The following ZNF563 variants were observed in gnomAD, a reference collection of about 807,000 sequenced individuals.
ZNF563 encodes zinc finger protein 563.
In ZNF563, 39 loss-of-function variants were observed where a neutral mutation model predicts 48.5. The observed-to-expected ratio is 0.80, with a 90% CI of 0.62 to 1.05. The LOEUF (loss-of-function observed/expected upper bound fraction) is 1.05, where lower values mean the gene tolerates loss of function less well. Among genes scored for constraint, ZNF563 ranks in the 50% least tolerant of loss-of-function variants. The pLI, the probability that ZNF563 is intolerant of heterozygous loss-of-function variation, is 0.00. For synonymous variants in ZNF563, 168 were observed against 187.9 expected (o/e 0.89, Z 0.87); for missense variants, 538 against 597.0 (o/e 0.90, Z 1.03).
At chr19:12,342,418 T>A in the ZNF563 span, among the ~76,000 whole-genome samples, 1 of 151,266 alleles carries the variant, frequency 6.6e-6, no homozygotes, top group Non-Finnish European at 1.5e-5. Flanking sequence ...AACCAATGGG[T>A]CAAATGAGAA....
chr19:12,340,217 C>T, the ZNF563 span, among the ~76,000 whole-genome samples: 1 of 152,118 alleles, frequency 6.6e-6, no homozygotes, highest in Admixed American at 6.5e-5. Flanking sequence ...GCCTGTAATC[C>T]TAGCTACTCC....
At chr19:12,340,798 G>A in the ZNF563 span, among the ~76,000 whole-genome samples, 4 of 151,682 alleles carry the variant, frequency 2.6e-5, no homozygotes, top group African/African-American at 7.3e-5. Context: ...AGTCAACTAC[G>A]AATCTAATAT....
rs761559526 is a variant in ZNF563 at position 12,319,148 on chromosome 19, A to G, written c.877T>C (p.Ser293Pro). The G allele has an allele frequency of 5.0e-6, 8 of 1,613,452 alleles. No homozygotes were observed. The highest frequency in any genetic ancestry group is 5.1e-6 in the Non-Finnish European group (6 of 1,179,860). ...GTTTCATGTCTTCGAAGGGAACTGG[A>G]AACACTGAAGGCTTTCCCACACTGT... is the stretch of plus-strand genomic sequence containing the variant. ...CKQCGKAFSV[S>P]SSLRRHETTH... The change falls in exon 4 of 4, where the codon TCC (serine) becomes CCC (proline). Residue 293 changes from serine to proline, a missense_variant. Transcript: ENST00000293725.
At chr19:12,322,858 C>T in intron 1 of ZNF563, 147 bp from the exon 2 acceptor site, 1 of 860,282 alleles carries the variant, frequency 1.2e-6, no homozygotes, top group Non-Finnish European at 1.6e-6. Flanking sequence ...TTTACACTCA[C>T]TTTCTCTCAC....
chr19:12,340,861 A>G, the ZNF563 span, among the ~76,000 whole-genome samples: 1 of 152,150 alleles, frequency 6.6e-6, no homozygotes, highest in Non-Finnish European at 1.5e-5. Context: ...TGCCCACATG[A>G]AAAAACTGAG....
intron 1 of ZNF563, among the ~76,000 whole-genome samples, chr19:12,333,058 T>G (rs1054428088): frequency 2.0e-5 from 3 of 152,116 alleles, no homozygotes; most frequent in Non-Finnish European, 4.4e-5. Context: ...TTCCCAAACC[T>G]TTGAAGACTC....
intron 1 of ZNF563, among the ~76,000 whole-genome samples, chr19:12,326,059 A>G (rs957513238): frequency 1.3e-5 from 2 of 152,226 alleles, no homozygotes; most frequent in Non-Finnish European, 2.9e-5. Flanking sequence ...AAATAGAGAG[A>G]AACATGAAAA....
At chr19:12,322,433 G>T (rs1968654855) in intron 2 of ZNF563, 152 bp downstream of exon 2, 1 of 750,484 alleles carries the variant, frequency 1.3e-6, no homozygotes, top group Non-Finnish European at 1.9e-6. Context: ...AGATGAGGAT[G>T]TACAACTTCT....
upstream of ZNF563, chr19:12,333,730 C>T: frequency 3.7e-6 from 2 of 547,004 alleles, no homozygotes; most frequent in Admixed American, 6.7e-5. Context: ...GTTCTCACGA[C>T]CCCGCCCCAT....
At chr19:12,323,146 G>C (rs1426673654) in intron 1 of ZNF563, among the ~76,000 whole-genome samples, 1 of 152,196 alleles carries the variant, frequency 6.6e-6, no homozygotes, top group African/African-American at 2.4e-5. Context: ...GATTTAGGGA[G>C]TGCCCCACCA....
At chr19:12,321,071 T>A (rs1390675508) in intron 3 of ZNF563, among the ~76,000 whole-genome samples, 1 of 151,438 alleles carries the variant, frequency 6.6e-6, no homozygotes, top group Admixed American at 6.6e-5. Flanking sequence ...ACCTGGGAGG[T>A]CGAGTCTTCA....
chr19:12,321,146 A>G, intron 3 of ZNF563, 126 bp downstream of exon 3: 1 of 679,388 alleles, frequency 1.5e-6, no homozygotes. Flanking sequence ...ACTAAAAAAA[A>G]AAGTTAATTT....
At chr19:12,340,248 C>A in the ZNF563 span, among the ~76,000 whole-genome samples, 1 of 152,172 alleles carries the variant, frequency 6.6e-6, no homozygotes, top group African/African-American at 2.4e-5. Flanking sequence ...GCAGAAGGAT[C>A]ACTTGAACCC....
chr19:12,320,183 C>T (rs1394948512), intron 3 of ZNF563, among the ~76,000 whole-genome samples: 3 of 152,288 alleles, frequency 2.0e-5, no homozygotes, highest in Middle Eastern at 3.4e-3. Context: ...TCCCAAAGTG[C>T]TGGGATTACA....
At position 12,319,262 on chromosome 19, in the gene ZNF563, A is replaced by G. The variant is rs1341551980; in HGVS notation, c.763T>C (p.Cys255Arg). 1.2e-6 allele frequency: 2 copies of G among 1,614,068 alleles called. No homozygotes were observed. Among genetic ancestry groups the G allele is most frequent in the African/African-American group, 1.3e-5 (1 of 75,046 alleles). Residue 255 changes from cysteine (C) to arginine (R), a missense_variant, in exon 4 of 4, where the codon TGT becomes CGT. Coordinates refer to ENST00000293725, the MANE Select transcript of ZNF563 (RefSeq NM_145276.3). ...RMHTGEKPYE[C>R]KQCSKALPDS... ...GGCAAGGCTTTAGAACACTGCTTAC[A>G]TTCATACGGTTTCTCCCCAGTGTGC...
At chr19:12,330,083 G>A (rs1479837896) in intron 1 of ZNF563, among the ~76,000 whole-genome samples, 1 of 152,094 alleles carries the variant, frequency 6.6e-6, no homozygotes, top group African/African-American at 2.4e-5. Context: ...ACTAAGCCCA[G>A]CCAATTTTTG....
chr19:12,338,894 G>A, the ZNF563 span, among the ~76,000 whole-genome samples: 2 of 151,946 alleles, frequency 1.3e-5, no homozygotes, highest in Non-Finnish European at 2.9e-5. Context: ...ACACACTACA[G>A]TCTATTGAAG....
chr19:12,322,503 T>C, intron 2 of ZNF563, 82 bp downstream of exon 2: 1 of 1,420,880 alleles, frequency 7.0e-7, no homozygotes, highest in Non-Finnish European at 9.4e-7. Flanking sequence ...GCCCTTTCCA[T>C]ATTTCAAATC....
At chr19:12,336,742 C>A (rs144231400), upstream of ZNF563, among the ~76,000 whole-genome samples, 1 of 152,198 alleles carries the variant, frequency 6.6e-6, no homozygotes. Context: ...TTCAGTCACT[C>A]CCTGACCTTC....
Sources: gnomAD v4.1 joint callset for allele counts (sites outside exome capture counted in the v4.1 genomes callset) on GRCh38, gnomAD v4.1.1 for gene constraint, MANE v1.5 for transcripts, NCBI Gene and HGNC (gene_info 2026-07-23, HGNC 2026-07-21) for gene names.